The following LHFPL1 variants were observed in gnomAD, a reference collection of about 807,000 sequenced individuals.
The protein encoded by LHFPL1 is LHFPL tetraspan subfamily member 1.
In LHFPL1, 4 loss-of-function variants were observed where a neutral mutation model predicts 12.1. The ratio of observed to expected loss-of-function variants is 0.33; its 90% CI spans 0.16 to 0.76. LHFPL1 has a LOEUF of 0.76. LHFPL1 is among the 30% of genes least tolerant of loss of function. The pLI is 0.61. For missense variants in LHFPL1, 141 were observed against 174.1 expected (o/e 0.81, Z 1.07); for synonymous variants, 52 against 61.9 (o/e 0.84, Z 0.75).
intron 2 of LHFPL1, among the ~76,000 whole-genome samples, chrX:112,663,983 G>T (rs1214634683): frequency 8.9e-6 from 1 of 111,894 alleles, no homozygotes; most frequent in African/African-American, 3.2e-5. Flanking sequence ...ACAGGGGATT[G>T]GTTCCAGGAC....
At chrX:112,664,209 G>C (rs1335366017) in intron 2 of LHFPL1, among the ~76,000 whole-genome samples, 1 of 112,288 alleles carries the variant, frequency 8.9e-6, no homozygotes, top group African/African-American at 3.2e-5. Context: ...TGTGGACACA[G>C]AACCTACAGA....
At position 112,655,874 on chromosome X, in the gene LHFPL1, C is replaced by T. The variant is rs2147714962; in HGVS notation, c.481+4753G>A. Among the ~76,000 whole-genome samples the T allele has an allele frequency of 1.8e-5, 2 of 111,966 alleles. 1 individual carries two copies. Among genetic ancestry groups the T allele is most frequent in the South Asian group, 7.5e-4 (2 of 2,674 alleles). On this transcript the variant is annotated intron_variant, in intron 3 of 3. Transcript: ENST00000371968. ...ATGAGCCACTGCACTCAGCCCAGAA[C>T]TACTCATTTATGAACTAGGTCCTTA...
At chrX:112,636,472 G>C (rs962253535) in intron 3 of LHFPL1, among the ~76,000 whole-genome samples, 1 of 112,106 alleles carries the variant, frequency 8.9e-6, no homozygotes, top group Non-Finnish European at 1.9e-5. Context: ...AAATCTTGAT[G>C]ACTAAAAGAT....
At chrX:112,641,370 GTGTC>G (rs1402301474) in intron 3 of LHFPL1, among the ~76,000 whole-genome samples, 6 of 112,242 alleles carry the variant, frequency 5.3e-5, no homozygotes, top group Non-Finnish European at 9.4e-5. Context: ...GCCAGATAAA[GTGTC>G]TGACCAAGGT....
intron 1 of LHFPL1, among the ~76,000 whole-genome samples, chrX:112,674,100 G>T (rs181305465): frequency 1.8e-5 from 2 of 111,624 alleles, no homozygotes; most frequent in Non-Finnish European, 3.8e-5. Flanking sequence ...AAAAATAGGC[G>T]CATAGACCAA....
intron 3 of LHFPL1, among the ~76,000 whole-genome samples, chrX:112,657,279 A>G (rs1931034611): frequency 8.9e-6 from 1 of 112,247 alleles, no homozygotes; most frequent in Non-Finnish European, 1.9e-5. Context: ...ACATCATTCA[A>G]AGGAATTCAA....
intron 3 of LHFPL1, among the ~76,000 whole-genome samples, chrX:112,658,451 G>T (rs904743743): frequency 1.2e-5 from 1 of 84,410 alleles, no homozygotes; most frequent in Non-Finnish European, 2.4e-5. Flanking sequence ...AAAGAAAAAA[G>T]AAAAAAAAAA....
chrX:112,679,750 G>A (rs73630513), intron 1 of LHFPL1, 79 bp downstream of exon 1: 2 of 111,045 alleles, frequency 1.8e-5, no homozygotes, highest in South Asian at 7.6e-4. Context: ...AGGGGAGAAG[G>A]GGGGGCTGAG....
At chrX:112,664,567 C>G (rs780745675) in intron 2 of LHFPL1, among the ~76,000 whole-genome samples, 26 of 110,835 alleles carry the variant, frequency 2.3e-4, no homozygotes, top group African/African-American at 8.2e-4. Flanking sequence ...CCAACCTGCC[C>G]TCCCACCCCC....
intron 3 of LHFPL1, among the ~76,000 whole-genome samples, chrX:112,638,819 T>G (rs1354032629): frequency 8.9e-6 from 1 of 111,942 alleles, no homozygotes; most frequent in Non-Finnish European, 1.9e-5. Context: ...CCATCTAAAG[T>G]CATGAAACCA....
At chrX:112,647,716 A>G (rs980666427) in intron 3 of LHFPL1, among the ~76,000 whole-genome samples, 4 of 112,172 alleles carry the variant, frequency 3.6e-5, no homozygotes, top group Non-Finnish European at 7.5e-5. Context: ...ACACTTTTAC[A>G]CTGTTGGTGG....
chrX:112,674,931 A>G (rs1275959111), intron 1 of LHFPL1, among the ~76,000 whole-genome samples: 1 of 112,099 alleles, frequency 8.9e-6, no homozygotes, highest in Non-Finnish European at 1.9e-5. Flanking sequence ...CAATCCCACT[A>G]CTGGGTATCT....
chrX:112,672,809 T>C (rs1316822071), intron 1 of LHFPL1, among the ~76,000 whole-genome samples: 1 of 112,165 alleles, frequency 8.9e-6, no homozygotes. Context: ...CAAGTTTGTT[T>C]AGTGAAACCC....
rs777086621 is a variant in LHFPL1, at chrX:112,660,673, C to T, written c.435G>A (p.Pro145=). 9.9e-6 allele frequency: 12 copies of T among 1,209,140 alleles called. No individual in the cohort carries two copies. Among genetic ancestry groups the T allele is most frequent in the South Asian group, 3.5e-5 (2 of 56,725 alleles). The part of the protein sequence containing the change: ...CALYPLGWNS[P]EIMQTCGNVS... ...CATTCCCACATGTTTGCATTATCTC[C>T]GGGCTATTCCATCCTAAAGGGTATA... Residue 145 remains proline (P), a synonymous_variant, in exon 3 of 4, where the codon CCG becomes CCA. Transcript: ENST00000371968.
intron 2 of LHFPL1, among the ~76,000 whole-genome samples, chrX:112,669,445 T>C (rs1463430910): frequency 8.9e-6 from 1 of 112,559 alleles, no homozygotes; most frequent in Non-Finnish European, 1.9e-5. Context: ...TACATTCCAA[T>C]GTGGCTAAAA....
At chrX:112,635,017 C>G (rs1930298645) in intron 3 of LHFPL1, among the ~76,000 whole-genome samples, 1 of 112,108 alleles carries the variant, frequency 8.9e-6, no homozygotes, top group Admixed American at 9.4e-5. Context: ...TTTGGAAAGC[C>G]ACTGTCAGCA....
At chrX:112,639,682 C>T (rs1414717153) in intron 3 of LHFPL1, among the ~76,000 whole-genome samples, 1 of 112,368 alleles carries the variant, frequency 8.9e-6, no homozygotes, top group East Asian at 2.8e-4. Flanking sequence ...TTTTGCCAAC[C>T]TGTATTGCTT....
intron 3 of LHFPL1, among the ~76,000 whole-genome samples, chrX:112,654,408 A>C (rs757225036): frequency 1.9e-4 from 21 of 111,240 alleles, no homozygotes; most frequent in Non-Finnish European, 9.4e-5. Flanking sequence ...TACCTAAAAT[A>C]TAGAAGGAAG....
intron 3 of LHFPL1, among the ~76,000 whole-genome samples, chrX:112,645,353 T>C (rs1164459947): frequency 1.8e-5 from 2 of 111,997 alleles, no homozygotes; most frequent in East Asian, 5.6e-4. Context: ...TACTGGCTCC[T>C]TGCTGTAATA....
Sources: gnomAD v4.1 joint callset for allele counts (sites outside exome capture counted in the v4.1 genomes callset) on GRCh38, gnomAD v4.1.1 for gene constraint, MANE v1.5 for transcripts, NCBI Gene and HGNC (gene_info 2026-07-23, HGNC 2026-07-21) for gene names.